Variants in POLA2 observed in about 807,000 individuals in gnomAD.
The protein encoded by POLA2 is DNA polymerase alpha 2, accessory subunit.
In POLA2, 47 loss-of-function variants were observed where a neutral mutation model predicts 82.8. That is an observed-to-expected ratio of 0.57 (90% CI 0.45 to 0.72). The LOEUF is 0.72. Ranked by LOEUF, POLA2 falls within the 30% of genes least tolerant of loss-of-function variation. POLA2 has a pLI of 0.00. For synonymous variants in POLA2, 287 were observed against 286.8 expected, an observed-to-expected ratio of 1.00 and a Z score of -0.01; for missense variants, 634 against 728.1, an observed-to-expected ratio of 0.87 and a Z score of 1.49.
downstream of POLA2, among the ~76,000 whole-genome samples, chr11:65,299,816 C>T (rs377463455): frequency 3.8e-4 from 58 of 151,938 alleles, no homozygotes; most frequent in Non-Finnish European, 6.9e-4. Context: ...CTCAACCTCC[C>T]GAGTAGCTGA....
At chr11:65,288,254 G>A (rs1012995869) in intron 11 of POLA2, among the ~76,000 whole-genome samples, 1 of 152,160 alleles carries the variant, frequency 6.6e-6, no homozygotes, top group Non-Finnish European at 1.5e-5. Flanking sequence ...GTTGCAGTGA[G>A]CTGAGATTGC....
At chr11:65,304,190 ACCAT>A (rs1328306378) in intron 8 of POLA2, among the ~76,000 whole-genome samples, 2 of 151,006 alleles carry the variant, frequency 1.3e-5, no homozygotes, top group African/African-American at 4.9e-5. Flanking sequence ...CATTTACCTA[ACCAT>A]CCATTCTTCC....
chr11:65,268,757 T>C, intron 4 of POLA2, 28 bp downstream of exon 4: 1 of 1,418,578 alleles, frequency 7.0e-7, no homozygotes, highest in South Asian at 1.3e-5. Flanking sequence ...GGACATTGCA[T>C]TTTACAAGTA....
intron 10 of POLA2, 131 bp downstream of exon 10, chr11:65,282,652 C>A (rs1330541352): frequency 2.6e-6 from 2 of 766,144 alleles, no homozygotes; most frequent in Non-Finnish European, 4.6e-6. Context: ...GTGAGGGCGC[C>A]ACCATCATGA....
Position 65,297,674 on chromosome 11 carries a change from G to A in POLA2, c.*405G>A, listed in dbSNP as rs1048929289. On this transcript the variant is annotated 3_prime_UTR_variant, in exon 18 of 18. Transcript: ENST00000265465. ...TTATTTATTTATTTTGTTTTTAGAC[G>A]GAGTCTCGATCTGTCGCCCAGGCTG... 9 of 154,586 alleles carry A rather than the reference G, an allele frequency of 5.8e-5. No individual in the cohort carries two copies. Among genetic ancestry groups the A allele is most frequent in the Admixed American group, 5.7e-4 (9 of 15,758 alleles). 9.6% of individuals were successfully genotyped at this position (154,586 alleles called of 1,614,324 possible). A position where few individuals can be genotyped will look rare whatever the true frequency, so the allele number is the denominator to read the frequency against.
intron 3 of POLA2, among the ~76,000 whole-genome samples, chr11:65,268,045 G>C (rs927848032): frequency 1.1e-4 from 17 of 151,974 alleles, no homozygotes; most frequent in Non-Finnish European, 1.6e-4. Flanking sequence ...CGCCTGCCTA[G>C]GCCTCCCAAA....
chr11:65,300,885 C>T (rs1471453025), downstream of POLA2, among the ~76,000 whole-genome samples: 1 of 152,210 alleles, frequency 6.6e-6, no homozygotes, highest in African/African-American at 2.4e-5. Flanking sequence ...CCCGGCCTGT[C>T]AGGTTTGTTT....
At chr11:65,265,316 C>T (rs546762350) in intron 1 of POLA2, among the ~76,000 whole-genome samples, 1 of 152,208 alleles carries the variant, frequency 6.6e-6, no homozygotes, top group East Asian at 1.9e-4. Context: ...ACCACTTCAC[C>T]AAAGCTGCTC....
rs747221100 is a variant in POLA2 at position 65,294,248 on chromosome 11, G to C, written c.1340G>C (p.Arg447Pro). The C allele has an allele frequency of 6.2e-7, 1 of 1,613,724 alleles. No homozygotes were observed. Among genetic ancestry groups the C allele is most frequent in the Non-Finnish European group, 8.5e-7 (1 of 1,179,656 alleles). Reference sequence around the variant, plus strand: ...CCTTTCAGCTACTCCGATCTGTCTCGAGAGGACAAAAAGGTAGCAGCACCC... The same window carrying C: ...CCTTTCAGCTACTCCGATCTGTCTCCAGAGGACAAAAAGGTAGCAGCACCC... ...QPPFSYSDLSREDKKQVQFVS... is the reference protein window; with the variant it reads ...QPPFSYSDLSPEDKKQVQFVS... The change falls in exon 14 of 18, where the codon CGA (arginine) becomes CCA (proline). Residue 447 changes from arginine to proline, a missense_variant. Physicochemically the swap from Arg to Pro is moderately radical, Grantham distance 103. Coordinates refer to ENST00000265465, the MANE Select transcript of POLA2 (RefSeq NM_002689.4).
At position 65,266,597 on chromosome 11, in the gene POLA2, T is replaced by C. The variant is rs763914883; in HGVS notation, c.95T>C (p.Val32Ala). Residue 32 changes from valine to alanine, a missense_variant, in exon 2 of 18, where the codon GTT (valine) becomes GCT (alanine). Coordinates refer to ENST00000265465, the MANE Select transcript of POLA2 (RefSeq NM_002689.4). ...CTTTCTACAGTGGTAGAGCTTTGTG[T>C]TCAGTATGGACAGAATGAGGAGGGA... ...ALIEKLVELCVQYGQNEEGMV... is the reference protein window; with the variant it reads ...ALIEKLVELCAQYGQNEEGMV... The C allele has an allele frequency of 6.2e-7, 1 of 1,614,188 alleles. No homozygotes were observed. Among genetic ancestry groups the C allele is most frequent in the Admixed American group, 1.7e-5 (1 of 60,032 alleles).
intron 8 of POLA2, 111 bp downstream of exon 8, chr11:65,281,258 G>A (rs932737684): frequency 8.9e-7 from 1 of 1,121,626 alleles, no homozygotes; most frequent in Admixed American, 2.0e-5. Context: ...GCCATGGGGT[G>A]CAGCTGGAGC....
At chr11:65,291,728 G>A (rs1286477780) in intron 13 of POLA2, among the ~76,000 whole-genome samples, 3 of 152,226 alleles carry the variant, frequency 2.0e-5, no homozygotes, top group Non-Finnish European at 4.4e-5. Flanking sequence ...GGTATTGACA[G>A]CAGTGATAGA....
At chr11:65,287,904 A>C in intron 11 of POLA2, 64 bp downstream of exon 11, 1 of 1,511,646 alleles carries the variant, frequency 6.6e-7, no homozygotes, top group Non-Finnish European at 9.0e-7. Context: ...TGAAGTTCTA[A>C]ATTTTTAGGA....
chr11:65,284,532 CTTTTTTTT>C (rs557117870), intron 10 of POLA2, among the ~76,000 whole-genome samples: 1 of 134,264 alleles, frequency 7.4e-6, no homozygotes, highest in African/African-American at 2.7e-5. Context: ...TTTTTTTTTT[CTTTTTTTT>C]TTTTTTAGAC....
intron 15 of POLA2, 29 bp downstream of exon 15, chr11:65,294,681 G>C (rs145274491): frequency 1.7e-5 from 25 of 1,464,818 alleles, no homozygotes; most frequent in Non-Finnish European, 2.3e-5. Flanking sequence ...GCCCCAAGCA[G>C]GATGACTGGC....
intron 14 of POLA2, 67 bp downstream of exon 14, chr11:65,294,328 C>A: frequency 3.0e-6 from 4 of 1,327,262 alleles, no homozygotes; most frequent in Non-Finnish European, 4.4e-6. Flanking sequence ...CTAGCTCTGG[C>A]CCTGAAGGGG....
intron 4 of POLA2, among the ~76,000 whole-genome samples, chr11:65,272,550 ATG>A (rs781762928): frequency 2.0e-5 from 3 of 152,232 alleles, no homozygotes; most frequent in Non-Finnish European, 2.9e-5. Context: ...AACGGAGAGA[ATG>A]TGTTAGCCTG....
At chr11:65,289,718 A>G (rs920527359) in intron 12 of POLA2, 81 bp from the exon 13 acceptor site, 23 of 875,960 alleles carry the variant, frequency 2.6e-5, no homozygotes, top group Middle Eastern at 4.3e-4. Context: ...GCTGACTTCT[A>G]TGGGTCACCT....
chr11:65,298,961 CAA>C (rs1240489410), downstream of POLA2, among the ~76,000 whole-genome samples: 2 of 152,170 alleles, frequency 1.3e-5, no homozygotes, highest in Admixed American at 6.5e-5. Flanking sequence ...AAGAGTCAGA[CAA>C]AGAGAAAGCG....
Sources: allele counts gnomAD v4.1 joint callset (sites outside exome capture counted in the v4.1 genomes callset), GRCh38; gene constraint gnomAD v4.1.1; transcripts MANE v1.5; gene names NCBI Gene and HGNC (gene_info 2026-07-23, HGNC 2026-07-21).